The following NOL4L variants were observed in gnomAD, a reference collection of about 807,000 sequenced individuals.
NOL4L encodes the protein nucleolar protein 4-like.
In NOL4L, 7 loss-of-function variants were observed where a neutral mutation model predicts 64.5. The ratio of observed to expected loss-of-function variants is 0.11; its 90% CI spans 0.06 to 0.20. The LOEUF (loss-of-function observed/expected upper bound fraction) is 0.20, where lower values mean the gene tolerates loss of function less well. Among genes scored for constraint, NOL4L ranks in the 10% least tolerant of loss-of-function variants. The probability of loss-of-function intolerance (pLI) is 1.00; values close to 1 mark genes in which losing one functional copy is unlikely to be tolerated. For synonymous variants in NOL4L, 413 were observed against 401.0 expected (o/e 1.03, Z -0.36); for missense variants, 680 against 967.1 (o/e 0.70, Z 3.94).
intron 5 of NOL4L, among the ~76,000 whole-genome samples, chr20:32,469,177 T>C (rs1470263268): frequency 6.6e-6 from 1 of 152,050 alleles, no homozygotes; most frequent in Non-Finnish European, 1.5e-5. Context: ...AGACAAGCTT[T>C]GAACTGTGGC....
At chr20:32,488,774 C>T (rs12019185) in intron 4 of NOL4L, among the ~76,000 whole-genome samples, 41 of 52,140 alleles carry the variant, frequency 7.9e-4, no homozygotes, top group Middle Eastern at 6.7e-3. Flanking sequence ...TTCCTTCCTT[C>T]CTTCCTTCCT....
At chr20:32,482,480 G>A (rs554503491) in intron 4 of NOL4L, among the ~76,000 whole-genome samples, 1 of 152,238 alleles carries the variant, frequency 6.6e-6, no homozygotes, top group African/African-American at 2.4e-5. Context: ...TAAAAATGCG[G>A]ATTGCACTCC....
chr20:32,462,683 G>T lies in NOL4L; in HGVS notation c.842-6288C>A, dbSNP rs577043477. On this transcript the variant is annotated intron_variant, in intron 5 of 10. Transcript: ENST00000621426. The stretch of plus-strand genomic sequence containing the variant: ...GCACTTTGGGAGGTAGAGGCAGGCA[G>T]ATCATGAGGTCAAGAGATCGAGATC... Among the ~76,000 whole-genome samples, 28 of 152,124 alleles carry T rather than the reference G, an allele frequency of 1.8e-4. No individual in the cohort carries two copies. In the East Asian group the frequency reaches 4.9e-3, roughly 26 times the overall value.
Position 32,506,311 on chromosome 20 carries a change from G to A in NOL4L, c.699+5036C>T, listed in dbSNP as rs968106522. ...CCTGGCCCCAGGTCCTGCTCCAGCT[G>A]TTACCTCTCAGCTTCCCTCACCCAG... On this transcript the variant is annotated intron_variant, in intron 4 of 10. Coordinates refer to ENST00000621426, the MANE Select transcript of NOL4L (RefSeq NM_001256798.2). 4.6e-5 allele frequency among the ~76,000 whole-genome samples: 7 copies of A among 152,088 alleles called. No homozygotes were observed. The South Asian group carries it at 1.0e-3, about 23-fold the overall frequency.
chr20:32,486,833 C>T (rs1389325877), intron 4 of NOL4L: 3 of 464,650 alleles, frequency 6.5e-6, no homozygotes, highest in East Asian at 7.0e-5. Context: ...GAGCCATGTG[C>T]TCCCCCAACA....
chr20:32,499,738 C>CAAAAA (rs10692885), intron 4 of NOL4L, among the ~76,000 whole-genome samples: 2,967 of 51,168 alleles, frequency 0.058, 209 homozygotes, highest in African/African-American at 0.14. Context: ...GACCTTGTCT[C>CAAAAA]AAAAAAAAAA....
At chr20:32,524,058 C>T (rs1294056748) in intron 2 of NOL4L, among the ~76,000 whole-genome samples, 4 of 152,182 alleles carry the variant, frequency 2.6e-5, no homozygotes, top group South Asian at 2.1e-4. Context: ...CAGCTAGATC[C>T]GGACTGTGGA....
At chr20:32,482,394 C>A (rs2015785824) in intron 4 of NOL4L, among the ~76,000 whole-genome samples, 1 of 152,102 alleles carries the variant, frequency 6.6e-6, no homozygotes, top group African/African-American at 2.4e-5. Context: ...AAGCGCAGCC[C>A]GGTAGGGGCG....
chr20:32,469,737 T>C (rs910958298), intron 5 of NOL4L, among the ~76,000 whole-genome samples: 1 of 152,280 alleles, frequency 6.6e-6, no homozygotes, highest in Non-Finnish European at 1.5e-5. Flanking sequence ...GGGACATTTC[T>C]ACAAAGATGT....
At chr20:32,530,313 G>A (rs1372196605) in intron 1 of NOL4L, among the ~76,000 whole-genome samples, 2 of 151,790 alleles carry the variant, frequency 1.3e-5, no homozygotes, top group East Asian at 2.0e-4. Flanking sequence ...AGGCCAAGGC[G>A]GGTGGATCAT....
intron 2 of NOL4L, among the ~76,000 whole-genome samples, chr20:32,521,344 A>G (rs2017926603): frequency 6.6e-6 from 1 of 152,140 alleles, no homozygotes; most frequent in Non-Finnish European, 1.5e-5. Context: ...GCCCATACAC[A>G]GAACCAAAGG....
intron 1 of NOL4L, among the ~76,000 whole-genome samples, chr20:32,528,349 G>A (rs1434333561): frequency 6.9e-6 from 1 of 144,334 alleles, no homozygotes; most frequent in African/African-American, 2.4e-5. Flanking sequence ...TGGGGTCCCG[G>A]GGGAACAGCT....
At chr20:32,475,038 T>C in intron 4 of NOL4L, 1 of 985,448 alleles carries the variant, frequency 1.0e-6, no homozygotes, top group Non-Finnish European at 1.2e-6. Flanking sequence ...CTTACCCTTG[T>C]GAGCCAAGGT....
At chr20:32,543,630 G>GA (rs1178019477) in intron 1 of NOL4L, among the ~76,000 whole-genome samples, 3 of 149,832 alleles carry the variant, frequency 2.0e-5, no homozygotes, top group Admixed American at 6.6e-5. Flanking sequence ...AAAAAAAAAA[G>GA]AAAAAAAAGA....
chr20:32,449,571 A>G lies in NOL4L; in HGVS notation c.1823-1755T>C, dbSNP rs1184351062. On this transcript the variant is annotated intron_variant, in intron 10 of 10. Coordinates refer to ENST00000621426, the MANE Select transcript of NOL4L (RefSeq NM_001256798.2). ...CACCAAGGAGGAGGTCCTAGGAACT[A>G]TTTTCTAAATAGCGTCCTTGGAATT... Among the ~76,000 whole-genome samples, 3 of 152,146 alleles carry G rather than the reference A, an allele frequency of 2.0e-5. No individual in the cohort carries two copies. In the East Asian group the frequency reaches 5.8e-4, roughly 29 times the overall value.
intron 4 of NOL4L, among the ~76,000 whole-genome samples, chr20:32,490,436 G>C (rs1490956141): frequency 6.6e-6 from 1 of 152,136 alleles, no homozygotes; most frequent in Non-Finnish European, 1.5e-5. Flanking sequence ...AAAGTAGGGA[G>C]GCATCCGGCT....
rs560813639 is a variant in NOL4L at position 32,481,515 on chromosome 20, A to G, written c.700-6773T>C. Among the ~76,000 whole-genome samples the G allele has an allele frequency of 3.3e-5, 5 of 152,284 alleles. No individual in the cohort carries two copies. In the South Asian group the frequency reaches 8.3e-4, roughly 25 times the overall value. On this transcript the variant is annotated intron_variant, in intron 4 of 10. Transcript: ENST00000621426. ...GTAGGGGCCGCAGGAAAAGTTCCCC[A>G]AAGGCGTCTTCTCAGCTGGGAGGAA...
chr20:32,462,141 C>T (rs2014128446), intron 5 of NOL4L, among the ~76,000 whole-genome samples: 1 of 152,188 alleles, frequency 6.6e-6, no homozygotes, highest in Non-Finnish European at 1.5e-5. Flanking sequence ...TGCAGGGAGG[C>T]CCACGCTGGG....
intron 4 of NOL4L, among the ~76,000 whole-genome samples, chr20:32,481,964 C>CGGGGGGGGGGGGGGG (rs61641396): frequency 3.6e-5 from 1 of 27,946 alleles, no homozygotes. Flanking sequence ...TGGGGCGGGG[C>CGGGGGGGGGGGGGGG]GGGGGGGGGG....
Sources: gnomAD v4.1 joint callset for allele counts (sites outside exome capture counted in the v4.1 genomes callset) on GRCh38, gnomAD v4.1.1 for gene constraint, MANE v1.5 for transcripts, NCBI Gene and HGNC (gene_info 2026-07-23, HGNC 2026-07-21) for gene names.